The following HYDIN variants were observed in gnomAD, a reference collection of about 807,000 sequenced individuals.
HYDIN encodes axonemal central pair apparatus protein HYDIN.
HYDIN carries 132 observed loss-of-function variants against 403.9 expected under a neutral mutation model. The ratio of observed to expected loss-of-function variants is 0.33; its 90% CI spans 0.28 to 0.38. The LOEUF is 0.38. HYDIN is among the 10% of genes least tolerant of loss of function. The pLI is 1.00. For missense variants in HYDIN, 2,827 were observed against 5,009.5 expected (o/e 0.56, Z 13.15); for synonymous variants, 1,202 against 1,891.7 (o/e 0.64, Z 9.46).
chr16:70,870,050 A>G (rs1163824992), intron 65 of HYDIN, among the ~76,000 whole-genome samples: 1 of 152,180 alleles, frequency 6.6e-6, no homozygotes, highest in Non-Finnish European at 1.5e-5. Flanking sequence ...GACTGGTGGC[A>G]TTTGGCCTTG....
chr16:70,859,959 C>T (rs2039301760), intron 71 of HYDIN, 109 bp downstream of exon 71: 2 of 928,946 alleles, frequency 2.2e-6, no homozygotes, highest in Non-Finnish European at 3.4e-6. Context: ...ATGCACTACA[C>T]CCTCAGGCAG....
At chr16:71,214,115 C>G (rs2088742331) in intron 1 of HYDIN, among the ~76,000 whole-genome samples, 1 of 151,914 alleles carries the variant, frequency 6.6e-6, no homozygotes. Flanking sequence ...AATTGCATTT[C>G]TATATACTCA....
At position 70,870,509 on chromosome 16, in the gene HYDIN, G is replaced by T. The variant is rs1183109964; in HGVS notation, c.11091+1528C>A. Among the ~76,000 whole-genome samples the T allele has an allele frequency of 2.7e-5, 4 of 149,970 alleles. No individual in the cohort carries two copies. In the South Asian group the frequency reaches 8.5e-4, roughly 32 times the overall value. ...CATGGCTAAAAGGGGCCAAGGTGTG[G>T]CTCAGGACATGGCTGCAGAGGGTGC... is the stretch of plus-strand genomic sequence containing the variant. On this transcript the variant is annotated intron_variant, in intron 65 of 85. Transcript: ENST00000393567.
intron 23 of HYDIN, among the ~76,000 whole-genome samples, chr16:71,017,673 A>G (rs955493586): frequency 6.6e-6 from 1 of 151,190 alleles, no homozygotes; most frequent in Non-Finnish European, 1.5e-5. Flanking sequence ...GAGAATGGGC[A>G]ACAGGCATAA....
intron 18 of HYDIN, among the ~76,000 whole-genome samples, chr16:71,050,062 T>C (rs2081587377): frequency 1.3e-5 from 2 of 148,356 alleles, no homozygotes; most frequent in African/African-American, 4.9e-5. Flanking sequence ...GTGTGTGTGT[T>C]TTCTTAATGA....
chr16:70,804,175 G>T lies in HYDIN; in HGVS notation c.*3405C>A, dbSNP rs2035009945. On this transcript the variant is annotated 3_prime_UTR_variant, in exon 86 of 86. Transcript: ENST00000393567. ...CAATCTCAAACCAGCCTGGAAGAGGGTTCACACTGGGGCAGGATCTGAGCT... is the reference window on the plus strand; with the variant it reads ...CAATCTCAAACCAGCCTGGAAGAGGTTTCACACTGGGGCAGGATCTGAGCT... Among the ~76,000 whole-genome samples the T allele has an allele frequency of 6.6e-6, 1 of 152,234 alleles. No homozygotes were observed. The highest frequency in any genetic ancestry group is 2.4e-5 in the African/African-American group (1 of 41,460).
At chr16:71,100,378 T>C (rs2083421921) in intron 10 of HYDIN, among the ~76,000 whole-genome samples, 1 of 152,156 alleles carries the variant, frequency 6.6e-6, no homozygotes, top group South Asian at 2.1e-4. Flanking sequence ...AGGTAGAATT[T>C]GGTGGAGTGT....
chr16:71,084,794 T>C (rs192235527), intron 12 of HYDIN, among the ~76,000 whole-genome samples: 96 of 146,502 alleles, frequency 6.6e-4, no homozygotes, highest in Non-Finnish European at 5.1e-4. Context: ...TTACTTTTTT[T>C]TTTTAATCAT....
chr16:71,186,425 T>C (rs975400500), intron 2 of HYDIN, among the ~76,000 whole-genome samples: 3 of 152,148 alleles, frequency 2.0e-5, no homozygotes, highest in Admixed American at 1.3e-4. Flanking sequence ...TTGAATCCTA[T>C]GAAATTCTGA....
chr16:70,934,287 G>A (rs2143856835), intron 45 of HYDIN, among the ~76,000 whole-genome samples: 1 of 152,182 alleles, frequency 6.6e-6, no homozygotes, highest in East Asian at 1.9e-4. Flanking sequence ...TGAAGGGAAG[G>A]AGAGAAATGG....
chr16:71,023,020 T>C (rs1020223871), intron 21 of HYDIN, among the ~76,000 whole-genome samples: 57 of 152,046 alleles, frequency 3.7e-4, no homozygotes, highest in Non-Finnish European at 6.3e-4. Context: ...ATATTACGTC[T>C]TGCCCAGAAT....
At chr16:70,834,561 A>C (rs2037238586) in intron 78 of HYDIN, among the ~76,000 whole-genome samples, 1 of 152,058 alleles carries the variant, frequency 6.6e-6, no homozygotes. Flanking sequence ...TAAAATGCAG[A>C]TTCCGGTTGG....
chr16:71,002,478 G>T (rs2079750681), intron 23 of HYDIN, among the ~76,000 whole-genome samples: 2 of 151,518 alleles, frequency 1.3e-5, no homozygotes, highest in South Asian at 4.2e-4. Flanking sequence ...CTTGAGCCCA[G>T]GAGTTTGAGG....
intron 46 of HYDIN, among the ~76,000 whole-genome samples, chr16:70,919,318 A>T (rs575448389): frequency 2.3e-4 from 35 of 151,614 alleles, no homozygotes; most frequent in Admixed American, 5.9e-4. Context: ...TCCTTTTTTT[A>T]AAAAAAAACA....
At position 71,000,995 on chromosome 16, in the gene HYDIN, T is replaced by G. The variant is rs375269149; in HGVS notation, c.3645-8785A>C. ...ATACTTTTGCACATACAATGTAGTT[T>G]CATAATAAAATCATTGCTGACCTTC... On this transcript the variant is annotated intron_variant, in intron 23 of 85. Transcript: ENST00000393567. Among the ~76,000 whole-genome samples the G allele has an allele frequency of 4.1e-4, 62 of 150,210 alleles. 1 individual carries two copies. Among genetic ancestry groups the G allele is most frequent in the African/African-American group, 1.5e-3 (60 of 40,814 alleles).
intron 13 of HYDIN, among the ~76,000 whole-genome samples, chr16:71,079,060 T>C (rs2082704918): frequency 6.6e-6 from 1 of 151,800 alleles, no homozygotes; most frequent in African/African-American, 2.4e-5. Context: ...GGAAGGGGTG[T>C]ACTCTTTTCC....
intron 1 of HYDIN, among the ~76,000 whole-genome samples, chr16:71,205,314 A>C (rs1405332468): frequency 6.6e-6 from 1 of 152,236 alleles, no homozygotes; most frequent in Non-Finnish European, 1.5e-5. Context: ...GTCTGGGCTC[A>C]GCGTGGAGCC....
At chr16:71,030,033 C>T (rs2080847872) in intron 19 of HYDIN, among the ~76,000 whole-genome samples, 1 of 152,120 alleles carries the variant, frequency 6.6e-6, no homozygotes, top group Admixed American at 6.6e-5. Flanking sequence ...ACACTTAGCA[C>T]TCAAACCTCA....
rs756978061 is a variant in HYDIN, at chr16:70,978,887, G to A, written c.4638+27C>T. On this transcript the variant is annotated intron_variant, in intron 30 of 85. Coordinates refer to ENST00000393567, the MANE Select transcript of HYDIN (RefSeq NM_001270974.2). Reference sequence around the variant, plus strand: ...GCACGCACCACCCTCCTGCACAGGCGTCCCGTGCAGGCTGGAGCTGTCTTA... The same window carrying A: ...GCACGCACCACCCTCCTGCACAGGCATCCCGTGCAGGCTGGAGCTGTCTTA... 1.3e-5 allele frequency: 21 copies of A among 1,596,094 alleles called. 1 individual carries two copies. The highest frequency in any genetic ancestry group is 5.6e-5 in the South Asian group (5 of 89,794).
Sources: allele counts gnomAD v4.1 joint callset (sites outside exome capture counted in the v4.1 genomes callset), GRCh38; gene constraint gnomAD v4.1.1; transcripts MANE v1.5; gene names NCBI Gene and HGNC (gene_info 2026-07-23, HGNC 2026-07-21).